ZNF85: variants seen among roughly 807,000 people sequenced by gnomAD.
ZNF85 encodes zinc finger protein 85 (HPF4, HTF1).
Under a neutral mutation model 53.9 loss-of-function variants are expected in ZNF85, and 50 were observed. The ratio of observed to expected loss-of-function variants is 0.93; its 90% CI spans 0.74 to 1.17. The LOEUF (loss-of-function observed/expected upper bound fraction) is 1.17, where lower values mean the gene tolerates loss of function less well. Among genes scored for constraint, ZNF85 ranks in the 50% most tolerant of loss-of-function variants. ZNF85 has a pLI of 0.00. For missense variants in ZNF85, 747 were observed against 688.5 expected, an observed-to-expected ratio of 1.08 and a Z score of -0.95; for synonymous variants, 225 against 226.1, an observed-to-expected ratio of 1.00 and a Z score of 0.04.
chr19:20,936,040 T>A, intron 3 of ZNF85, among the ~76,000 whole-genome samples: 1 of 152,350 alleles, frequency 6.6e-6, no homozygotes, highest in African/African-American at 2.4e-5. Context: ...TTGTTAAATT[T>A]GTTCTCAGAA....
At position 20,931,247 on chromosome 19, in the gene ZNF85, A is replaced by T. The variant is rs1051485910; in HGVS notation, c.4-2777A>T. Among the ~76,000 whole-genome samples the T allele has an allele frequency of 2.6e-5, 4 of 152,200 alleles. No homozygotes were observed. The East Asian group carries it at 7.7e-4, about 29-fold the overall frequency. ...CATGGACTCTTTTCAAACCTGCAGA[A>T]TCATATTACATAGAATGGAGCCAAA... On this transcript the variant is annotated intron_variant, in intron 1 of 3. Coordinates refer to ENST00000328178, the MANE Select transcript of ZNF85 (RefSeq NM_003429.5).
chr19:20,924,560 C>T lies in ZNF85; in HGVS notation c.3+1157C>T, dbSNP rs181619628. 4.0e-3 allele frequency among the ~76,000 whole-genome samples: 604 copies of T among 152,216 alleles called. 3 individuals carry two copies. The highest frequency in any genetic ancestry group is 0.014 in the African/African-American group (561 of 41,512). On this transcript the variant is annotated intron_variant, in intron 1 of 3. Coordinates refer to ENST00000328178, the MANE Select transcript of ZNF85 (RefSeq NM_003429.5). The stretch of plus-strand genomic sequence containing the variant: ...AGGGTCTCAAGTCTACTTCTTACTC[C>T]CTGTTCTTCCAGATTAACTCTGATT...
chr19:20,929,214 C>CTT (rs1972951822), intron 1 of ZNF85, among the ~76,000 whole-genome samples: 2 of 150,334 alleles, frequency 1.3e-5, no homozygotes, highest in Admixed American at 1.3e-4. Flanking sequence ...TTTGAGACAC[C>CTT]GTCTTGCTCT....
At chr19:20,946,330 T>C in intron 3 of ZNF85, 1 of 429,640 alleles carries the variant, frequency 2.3e-6, no homozygotes, top group Admixed American at 2.6e-5. Flanking sequence ...TCGTATGAGC[T>C]ATTGAGAAAG....
At chr19:20,940,198 T>G (rs1000195288) in intron 3 of ZNF85, among the ~76,000 whole-genome samples, 6 of 152,128 alleles carry the variant, frequency 3.9e-5, no homozygotes, top group Admixed American at 1.3e-4. Flanking sequence ...AAATTGTTTT[T>G]AAAACACATA....
At chr19:20,931,607 T>G (rs1159300308) in intron 1 of ZNF85, among the ~76,000 whole-genome samples, 1 of 138,778 alleles carries the variant, frequency 7.2e-6, no homozygotes, top group African/African-American at 3.0e-5. Flanking sequence ...ATTTTCTTTT[T>G]CTTTTTCTTT....
chr19:20,940,983 G>A (rs1017418018), intron 3 of ZNF85, among the ~76,000 whole-genome samples: 2 of 152,012 alleles, frequency 1.3e-5, no homozygotes, highest in African/African-American at 4.8e-5. Context: ...TGTCTCCCAG[G>A]TTCTGTGTTG....
At chr19:20,939,897 A>G (rs770308066) in intron 3 of ZNF85, among the ~76,000 whole-genome samples, 11 of 151,418 alleles carry the variant, frequency 7.3e-5, no homozygotes, top group Non-Finnish European at 2.9e-5. Flanking sequence ...GGGTTTCTCC[A>G]TGTTGGTAAG....
At chr19:20,928,731 C>T (rs939919891) in intron 1 of ZNF85, 1 of 152,308 alleles carries the variant, frequency 6.6e-6, no homozygotes, top group Non-Finnish European at 1.5e-5. Flanking sequence ...CTCCACCAAC[C>T]TAGGGTTCTG....
Position 20,949,347 on chromosome 19 carries a change from T to C in ZNF85, c.833T>C (p.Ile278Thr). Residue 278 changes from isoleucine (I) to threonine (T), a missense_variant, in exon 4 of 4, where the codon ATA becomes ACA. Ile to Thr is a moderately conservative substitution (Grantham distance 89). Transcript: ENST00000328178. ...TTCTCAACTCTTACTACCCATAAGA[T>C]AATTCATACTGGAGAGAAACCCTAC... ...NRFSTLTTHK[I>T]IHTGEKPYKC... is the part of the protein sequence containing the mutation. 1 of 1,608,610 alleles carries C rather than the reference T, an allele frequency of 6.2e-7. No individual in the cohort carries two copies. Among genetic ancestry groups the C allele is most frequent in the Non-Finnish European group, 8.5e-7 (1 of 1,176,752 alleles).
At chr19:20,948,508 G>A (rs1056405729) in intron 3 of ZNF85, among the ~76,000 whole-genome samples, 1 of 151,720 alleles carries the variant, frequency 6.6e-6, no homozygotes, top group African/African-American at 2.4e-5. Context: ...GTGGCTCTTT[G>A]CATTATGCTC....
At position 20,949,414 on chromosome 19, in the gene ZNF85, C is replaced by A. The variant is rs752037770; in HGVS notation, c.900C>A (p.Thr300=). The A allele has an allele frequency of 7.5e-6, 12 of 1,609,188 alleles. No individual in the cohort carries two copies. In the East Asian group the frequency reaches 2.7e-4, roughly 36 times the overall value. The change falls in exon 4 of 4, where the codon ACC becomes ACA. Residue 300 remains threonine (T), a synonymous_variant. Coordinates refer to ENST00000328178, the MANE Select transcript of ZNF85 (RefSeq NM_003429.5). ...GTAAAGCTTTTAACCGATCTTCAAC[C>A]CTTACTACCCATAGAAAAATTCATA... The part of the protein sequence containing the change: ...ECGKAFNRSS[T]LTTHRKIHTG...
At chr19:20,935,759 A>G (rs1973144145) in intron 3 of ZNF85, among the ~76,000 whole-genome samples, 1 of 151,554 alleles carries the variant, frequency 6.6e-6, no homozygotes, top group African/African-American at 2.4e-5. Flanking sequence ...AATGTTGGTC[A>G]GGCTGTTCTC....
Position 20,949,641 on chromosome 19 carries a change from GAAAAGCCTTT to G in ZNF85, c.1130_1139del (p.Lys377IlefsTer11), listed in dbSNP as rs1568557748. ...AAACCCTACAAATGTGAAAAATGTG[GAAAAGCCTTT>G]AATCATTTCTCACACCTTACTACAC... On this transcript the variant is annotated frameshift_variant, in exon 4 of 4. Coordinates refer to ENST00000328178, the MANE Select transcript of ZNF85 (RefSeq NM_003429.5). LOFTEE classifies it high-confidence loss of function. 1 of 1,612,918 alleles carries G rather than the reference GAAAAGCCTTT, an allele frequency of 6.2e-7. No individual in the cohort carries two copies. The highest frequency in any genetic ancestry group is 8.5e-7 in the Non-Finnish European group (1 of 1,179,646).
intron 3 of ZNF85, among the ~76,000 whole-genome samples, chr19:20,936,271 A>C (rs113506526): frequency 0.012 from 1,814 of 151,946 alleles, 33 homozygotes; most frequent in African/African-American, 0.035. Context: ...TTTGTCTTCA[A>C]TTTCAATGGC....
chr19:20,932,051 A>G (rs1973035331), intron 1 of ZNF85, among the ~76,000 whole-genome samples: 1 of 152,062 alleles, frequency 6.6e-6, no homozygotes, highest in Non-Finnish European at 1.5e-5. Context: ...AAGGACATAA[A>G]TGAGTGAGCT....
chr19:20,923,564 C>A, intron 1 of ZNF85, 161 bp downstream of exon 1: 1 of 1,266,386 alleles, frequency 7.9e-7, no homozygotes, highest in Non-Finnish European at 1.1e-6. Context: ...CATAAGATGG[C>A]GGCTGCGCTG....
intron 3 of ZNF85, among the ~76,000 whole-genome samples, chr19:20,948,192 A>G (rs1973468799): frequency 6.6e-6 from 1 of 152,044 alleles, no homozygotes; most frequent in Non-Finnish European, 1.5e-5. Flanking sequence ...TTTCTTCTTA[A>G]TAGTCAGTAA....
intron 1 of ZNF85, 63 bp from the exon 2 acceptor site, chr19:20,933,957 ATGTG>A (rs56195718): frequency 0.26 from 295,327 of 1,137,282 alleles, 13,631 homozygotes; most frequent in East Asian, 0.33. Flanking sequence ...GTTGGTAATT[ATGTG>A]TGTGTGTGTG....
Sources: gnomAD v4.1 joint callset for allele counts (sites outside exome capture counted in the v4.1 genomes callset) on GRCh38, gnomAD v4.1.1 for gene constraint, MANE v1.5 for transcripts, NCBI Gene and HGNC (gene_info 2026-07-23, HGNC 2026-07-21) for gene names.